GRIN2A: variants seen among roughly 807,000 people sequenced by gnomAD.
GRIN2A encodes the protein glutamate ionotropic receptor NMDA type subunit 2A, also known as glutamate receptor ionotropic, NMDA 2A.
GRIN2A carries 22 observed loss-of-function variants against 113.4 expected under a neutral mutation model. The ratio of observed to expected loss-of-function variants is 0.19; its 90% confidence interval spans 0.14 to 0.28. GRIN2A has a LOEUF of 0.28. GRIN2A is among the 10% of genes least tolerant of loss of function. GRIN2A has a pLI of 1.00. For missense variants in GRIN2A, 1,502 were observed against 1,887.0 expected (o/e 0.80, Z 3.78); for synonymous variants, 827 against 738.4 (o/e 1.12, Z -1.94).
chr16:9,958,231 T>C (rs960603709), intron 2 of GRIN2A, among the ~76,000 whole-genome samples: 3 of 152,232 alleles, frequency 2.0e-5, no homozygotes, highest in Admixed American at 1.3e-4. Context: ...GTTATCATAA[T>C]TGCCATTAAT....
intron 7 of GRIN2A, among the ~76,000 whole-genome samples, chr16:9,838,939 A>G (rs2141336927): frequency 6.6e-6 from 1 of 152,296 alleles, no homozygotes; most frequent in Middle Eastern, 3.4e-3. Flanking sequence ...TGAGTGATGG[A>G]AAATTACCTA....
At chr16:10,059,518 G>C (rs922380622) in intron 2 of GRIN2A, among the ~76,000 whole-genome samples, 1 of 152,022 alleles carries the variant, frequency 6.6e-6, no homozygotes, top group Non-Finnish European at 1.5e-5. Context: ...GGTAGAAATG[G>C]GTAGGTTGAT....
intron 2 of GRIN2A, among the ~76,000 whole-genome samples, chr16:10,123,091 AG>A (rs1164747180): frequency 2.4e-4 from 37 of 152,170 alleles, no homozygotes; most frequent in Admixed American, 2.4e-3. Flanking sequence ...AGAAAATCAA[AG>A]TTTTTTCCCA....
At chr16:10,102,082 G>C (rs1463320715) in intron 2 of GRIN2A, among the ~76,000 whole-genome samples, 1 of 152,214 alleles carries the variant, frequency 6.6e-6, no homozygotes, top group Non-Finnish European at 1.5e-5. Flanking sequence ...CGAACTCCTA[G>C]ACATTGGTGC....
chr16:9,779,076 A>G (rs542415985), intron 11 of GRIN2A, among the ~76,000 whole-genome samples: 8 of 152,354 alleles, frequency 5.3e-5, no homozygotes, highest in African/African-American at 1.9e-4. Context: ...GTGGCCAACT[A>G]GTGGTACATA....
intron 2 of GRIN2A, among the ~76,000 whole-genome samples, chr16:10,058,237 G>C (rs1245778070): frequency 6.6e-6 from 1 of 151,576 alleles, no homozygotes; most frequent in African/African-American, 2.4e-5. Context: ...CTGGTGAAAA[G>C]AGCTAGACAC....
chr16:9,990,880 A>T (rs1213080951), intron 2 of GRIN2A, among the ~76,000 whole-genome samples: 1 of 152,134 alleles, frequency 6.6e-6, no homozygotes, highest in African/African-American at 2.4e-5. Context: ...CAGCCTGGCC[A>T]ACATGGTGAA....
At chr16:9,888,861 G>C (rs1267428903) in intron 4 of GRIN2A, among the ~76,000 whole-genome samples, 1 of 151,960 alleles carries the variant, frequency 6.6e-6, no homozygotes, top group Non-Finnish European at 1.5e-5. Flanking sequence ...CTATTGAAAT[G>C]ACCATATTTC....
chr16:10,096,332 C>A (rs73512721), intron 2 of GRIN2A, among the ~76,000 whole-genome samples: 1 of 151,812 alleles, frequency 6.6e-6, no homozygotes, highest in East Asian at 1.9e-4. Context: ...CAGCACCTAA[C>A]CACCCGGAGA....
intron 3 of GRIN2A, among the ~76,000 whole-genome samples, chr16:9,928,516 CAG>C (rs2044516795): frequency 6.6e-6 from 1 of 152,094 alleles, no homozygotes; most frequent in African/African-American, 2.4e-5. Context: ...GAAACAAAAA[CAG>C]AGGTTTTCCC....
chr16:10,089,352 G>A (rs774008555), intron 2 of GRIN2A, among the ~76,000 whole-genome samples: 1 of 152,108 alleles, frequency 6.6e-6, no homozygotes, highest in Non-Finnish European at 1.5e-5. Context: ...TCATTGAAAC[G>A]TTTACAGTAA....
At chr16:9,973,904 G>A (rs1223148749) in intron 2 of GRIN2A, among the ~76,000 whole-genome samples, 1 of 152,080 alleles carries the variant, frequency 6.6e-6, no homozygotes, top group East Asian at 1.9e-4. Flanking sequence ...AGCCCTTCAA[G>A]AAATGCTAAA....
intron 3 of GRIN2A, among the ~76,000 whole-genome samples, chr16:9,905,303 G>C (rs2044005099): frequency 6.6e-6 from 1 of 152,194 alleles, no homozygotes; most frequent in Non-Finnish European, 1.5e-5. Context: ...TGACCCATCA[G>C]AATACTGGTT....
At chr16:9,784,016 G>T (rs1451053281) in intron 11 of GRIN2A, among the ~76,000 whole-genome samples, 36 of 152,102 alleles carry the variant, frequency 2.4e-4, no homozygotes, top group Admixed American at 2.4e-3. Flanking sequence ...AACAAATAAT[G>T]GGTACTGGGC....
intron 8 of GRIN2A, among the ~76,000 whole-genome samples, chr16:9,833,782 C>T (rs2042539487): frequency 6.6e-6 from 1 of 152,190 alleles, no homozygotes; most frequent in African/African-American, 2.4e-5. Flanking sequence ...TGCAGTGGCA[C>T]AATCTCGACT....
rs752978278 is a variant in GRIN2A at position 9,756,305 on chromosome 16, A to G, written c.*6844T>C. ...AGAAATTTTTTTAAATGCTAAGTGC[A>G]AGCATATGAAAGGGAGACACAAACA... is the stretch of plus-strand genomic sequence containing the variant. On this transcript the variant is annotated 3_prime_UTR_variant, in exon 13 of 13. Transcript: ENST00000330684. 4.4e-6 allele frequency: 1 copy of G among 229,456 alleles called. No individual in the cohort carries two copies. Among genetic ancestry groups the G allele is most frequent in the Non-Finnish European group, 8.6e-6 (1 of 115,700 alleles). The allele number at this position is 229,456 out of a possible 1,614,324, so 14.2% of individuals were successfully genotyped here.
intron 2 of GRIN2A, among the ~76,000 whole-genome samples, chr16:10,008,776 T>C (rs573133260): frequency 3.9e-5 from 6 of 152,320 alleles, no homozygotes; most frequent in South Asian, 2.1e-4. Flanking sequence ...TGGATGCACA[T>C]TCCATGCAAC....
At chr16:9,922,718 TA>T (rs1317181876) in intron 3 of GRIN2A, among the ~76,000 whole-genome samples, 1 of 152,180 alleles carries the variant, frequency 6.6e-6, no homozygotes, top group Non-Finnish European at 1.5e-5. Flanking sequence ...ACAACTTGAG[TA>T]AAGAGTCGTT....
chr16:10,181,761 T>C (rs578198590), intron 1 of GRIN2A, 116 bp downstream of exon 1: 1 of 152,980 alleles, frequency 6.5e-6, no homozygotes, highest in South Asian at 2.1e-4. Flanking sequence ...ACTTCGCCGC[T>C]GGGCTCCCTC....
Sources: gnomAD v4.1 joint callset for allele counts (sites outside exome capture counted in the v4.1 genomes callset) on GRCh38, gnomAD v4.1.1 for gene constraint, MANE v1.5 for transcripts, NCBI Gene and HGNC (gene_info 2026-07-23, HGNC 2026-07-21) for gene names.